DAPK1: variants seen among roughly 807,000 people sequenced by gnomAD.
The protein encoded by DAPK1 is death associated protein kinase 1, also known as death-associated protein kinase 1.
Under a neutral mutation model 144.9 loss-of-function variants are expected in DAPK1, and 56 were observed. The observed-to-expected ratio is 0.39, with a 90% confidence interval of 0.31 to 0.48. The LOEUF is 0.48. Ranked by LOEUF, DAPK1 falls within the 20% of genes least tolerant of loss-of-function variation. DAPK1 has a pLI of 0.95. For synonymous variants in DAPK1, 690 were observed against 749.0 expected, an observed-to-expected ratio of 0.92 and a Z score of 1.29; for missense variants, 1,454 against 1,875.4, an observed-to-expected ratio of 0.78 and a Z score of 4.15.
chr9:87,601,879 C>T (rs1304332261), intron 2 of DAPK1, among the ~76,000 whole-genome samples: 2 of 152,140 alleles, frequency 1.3e-5, no homozygotes, highest in Non-Finnish European at 2.9e-5. Flanking sequence ...TCTAACTCCT[C>T]GGGTTCTCAG....
chr9:87,679,862 C>T (rs1824541660), intron 19 of DAPK1, among the ~76,000 whole-genome samples: 1 of 152,168 alleles, frequency 6.6e-6, no homozygotes, highest in Non-Finnish European at 1.5e-5. Flanking sequence ...CTTCTCTCAT[C>T]CTCTTGTCCC....
At position 87,658,063 on chromosome 9, in the gene DAPK1, A is replaced by G. The variant is rs1215571089; in HGVS notation, c.1859A>G (p.Asn620Ser). ...GRTPLHLAANNGILDVVRYLC... is the reference protein window; with the variant it reads ...GRTPLHLAANSGILDVVRYLC... ...ACGCCTCTGCACCTTGCGGCCAACA[A>G]CGGAATCCTAGACGTGGTCCGGTAT... is the stretch of plus-strand genomic sequence containing the variant. The change falls in exon 18 of 26, where the codon AAC becomes AGC. Residue 620 changes from asparagine to serine, a missense_variant. Physicochemically the swap from Asn to Ser is conservative, Grantham distance 46. Transcript: ENST00000408954. 6 of 1,546,568 alleles carry G rather than the reference A, an allele frequency of 3.9e-6. No homozygotes were observed. Among genetic ancestry groups the G allele is most frequent in the Non-Finnish European group, 4.5e-6 (5 of 1,119,060 alleles).
At chr9:87,505,271 A>G (rs1293851349) in intron 2 of DAPK1, among the ~76,000 whole-genome samples, 2 of 152,226 alleles carry the variant, frequency 1.3e-5, no homozygotes, top group Non-Finnish European at 2.9e-5. Flanking sequence ...ATTTTAGTAG[A>G]AATTTATTTC....
intron 2 of DAPK1, among the ~76,000 whole-genome samples, chr9:87,512,522 G>A (rs1400634427): frequency 1.3e-5 from 2 of 152,178 alleles, no homozygotes; most frequent in Non-Finnish European, 2.9e-5. Flanking sequence ...TTGTTAGGAT[G>A]TACTGAATGG....
intron 2 of DAPK1, among the ~76,000 whole-genome samples, chr9:87,558,771 C>G (rs1442956747): frequency 6.6e-6 from 1 of 152,204 alleles, no homozygotes; most frequent in Non-Finnish European, 1.5e-5. Flanking sequence ...TCAGTTAGAG[C>G]CTGCTCTGTG....
At chr9:87,571,606 G>A (rs1420971383) in intron 2 of DAPK1, among the ~76,000 whole-genome samples, 2 of 151,688 alleles carry the variant, frequency 1.3e-5, no homozygotes, top group Admixed American at 6.6e-5. Context: ...CCTTGCAAAC[G>A]TTCCAGTGAC....
intron 3 of DAPK1, among the ~76,000 whole-genome samples, chr9:87,606,419 G>A (rs1828715085): frequency 6.6e-6 from 1 of 152,082 alleles, no homozygotes; most frequent in Admixed American, 6.5e-5. Context: ...CACTGTGCTG[G>A]TTGGTAGATG....
intron 11 of DAPK1, among the ~76,000 whole-genome samples, 195 bp from the exon 12 acceptor site, chr9:87,645,700 T>C (rs1830241792): frequency 1.3e-5 from 2 of 152,220 alleles, no homozygotes; most frequent in African/African-American, 2.4e-5. Flanking sequence ...AAAGAGTAGA[T>C]AGTGCTTGTT....
rs185538592 is a variant in DAPK1, at chr9:87,681,468, A to G, written c.2066A>G (p.Lys689Arg). Residue 689 changes from lysine (K) to arginine (R), a missense_variant, in exon 20 of 26, where the codon AAG (lysine) becomes AGG (arginine). Around this residue, in one of 2 missense-constraint regions of DAPK1, gnomAD observed 1,025 missense variants for 1,237.9 expected, o/e 0.83. Coordinates refer to ENST00000408954, the MANE Select transcript of DAPK1 (RefSeq NM_004938.4). ...ACACAGAACCTGCAGCCAAGAATTA[A>G]GCTCAAGCTGTTTGGCCACTCGGGA... ...RPTQNLQPRI[K>R]LKLFGHSGSG... 1 of 1,613,772 alleles carries G rather than the reference A, an allele frequency of 6.2e-7. No homozygotes were observed. The highest frequency in any genetic ancestry group is 1.3e-5 in the African/African-American group (1 of 75,014).
chr9:87,620,613 C>T (rs544394456), intron 3 of DAPK1, among the ~76,000 whole-genome samples: 3 of 149,258 alleles, frequency 2.0e-5, no homozygotes, highest in East Asian at 2.0e-4. Context: ...GGAGGAGGAC[C>T]GGGAATAGGA....
chr9:87,647,915 G>A (rs1165072251), intron 14 of DAPK1, among the ~76,000 whole-genome samples: 4 of 152,224 alleles, frequency 2.6e-5, no homozygotes, highest in African/African-American at 7.2e-5. Flanking sequence ...TTTCATATGT[G>A]TGTGTTTCAT....
At chr9:87,556,317 G>GA (rs1431406880) in intron 2 of DAPK1, among the ~76,000 whole-genome samples, 3 of 152,208 alleles carry the variant, frequency 2.0e-5, no homozygotes, top group Non-Finnish European at 4.4e-5. Flanking sequence ...AACAGGTGCA[G>GA]AGAGGCAAGG....
intron 3 of DAPK1, among the ~76,000 whole-genome samples, chr9:87,625,346 A>G (rs1325674516): frequency 6.6e-6 from 1 of 152,240 alleles, no homozygotes; most frequent in East Asian, 1.9e-4. Flanking sequence ...GTAAAGCTCT[A>G]ACAACAGGCT....
chr9:87,645,808 A>G, intron 11 of DAPK1, 87 bp from the exon 12 acceptor site: 1 of 1,521,730 alleles, frequency 6.6e-7, no homozygotes, highest in Non-Finnish European at 9.0e-7. Context: ...GCCCCTGTTA[A>G]CAAGTGAGCA....
chr9:87,578,076 C>T (rs4878104), intron 2 of DAPK1, among the ~76,000 whole-genome samples: 61,643 of 151,860 alleles, frequency 0.41, 13,094 homozygotes, highest in East Asian at 0.74. Flanking sequence ...AGCCTTCTTC[C>T]GATTTTAAAT....
chr9:87,520,984 G>C (rs7858298), intron 2 of DAPK1, among the ~76,000 whole-genome samples: 22,371 of 152,138 alleles, frequency 0.15, 2,111 homozygotes, highest in East Asian at 0.46. Flanking sequence ...ACTGACAATG[G>C]TTTGACAGAG....
At chr9:87,695,990 G>A (rs144812324) in intron 21 of DAPK1, among the ~76,000 whole-genome samples, 166 of 152,278 alleles carry the variant, frequency 1.1e-3, no homozygotes, top group African/African-American at 3.7e-3. Context: ...AAGTGAAGGT[G>A]GAGTGTCTGT....
chr9:87,659,812 C>G (rs1173700113), intron 18 of DAPK1, among the ~76,000 whole-genome samples: 1 of 148,562 alleles, frequency 6.7e-6, no homozygotes, highest in Non-Finnish European at 1.5e-5. Flanking sequence ...CCCTCAGTCA[C>G]TCTGCACACA....
intron 25 of DAPK1, among the ~76,000 whole-genome samples, chr9:87,704,614 A>G (rs1273262376): frequency 1.3e-5 from 2 of 152,122 alleles, no homozygotes; most frequent in Non-Finnish European, 2.9e-5. Context: ...CTCCTCCACT[A>G]TGGGACAGTT....
Sources: allele counts gnomAD v4.1 joint callset (sites outside exome capture counted in the v4.1 genomes callset), GRCh38; gene constraint gnomAD v4.1.1; regional missense constraint gnomAD v4.1.1; transcripts MANE v1.5; gene names NCBI Gene and HGNC (gene_info 2026-07-23, HGNC 2026-07-21).